Variants in TMEM38A observed in about 807,000 individuals in gnomAD.
TMEM38A encodes transmembrane protein 38A.
In TMEM38A, 17 loss-of-function variants were observed where a neutral mutation model predicts 28.6. The ratio of observed to expected loss-of-function variants is 0.60; its 90% CI spans 0.41 to 0.89. The LOEUF is 0.89. TMEM38A is among the 40% of genes least tolerant of loss of function. TMEM38A has a pLI of 0.00. For synonymous variants in TMEM38A, 169 were observed against 166.1 expected (o/e 1.02, Z -0.14); for missense variants, 328 against 393.1 (o/e 0.83, Z 1.40).
intron 5 of TMEM38A, among the ~76,000 whole-genome samples, chr19:16,687,902 G>A (rs2086808213): frequency 6.6e-6 from 1 of 152,152 alleles, no homozygotes; most frequent in Non-Finnish European, 1.5e-5. Flanking sequence ...GTGACCAGCA[G>A]TCTCAGTGTG....
chr19:16,688,028 C>A, intron 5 of TMEM38A, 116 bp from the exon 6 acceptor site: 1 of 747,336 alleles, frequency 1.3e-6, no homozygotes, highest in Non-Finnish European at 2.0e-6. Context: ...CTACCTCCAA[C>A]CTTGACTTTG....
At chr19:16,668,670 G>C (rs2086713886) in intron 1 of TMEM38A, among the ~76,000 whole-genome samples, 1 of 151,908 alleles carries the variant, frequency 6.6e-6, no homozygotes, top group Admixed American at 6.6e-5. Context: ...ACTACCTCCA[G>C]AGTTTTGCCT....
intron 1 of TMEM38A, among the ~76,000 whole-genome samples, chr19:16,664,481 T>A (rs1055134127): frequency 2.0e-5 from 3 of 151,992 alleles, no homozygotes; most frequent in Non-Finnish European, 4.4e-5. Flanking sequence ...TAGTCCCAGT[T>A]TGGTGTGCGT....
intron 2 of TMEM38A, 126 bp from the exon 3 acceptor site, chr19:16,680,271 C>A: frequency 6.8e-7 from 1 of 1,470,796 alleles, no homozygotes; most frequent in Non-Finnish European, 9.4e-7. Context: ...AATATGCTGC[C>A]CTCCATGCCC....
At position 16,689,461 on chromosome 19, in the gene TMEM38A, G is replaced by A. The variant is rs1319622983; in HGVS notation, c.*1090G>A. 1 of 152,180 alleles carries A rather than the reference G, an allele frequency of 6.6e-6. No individual in the cohort carries two copies. The highest frequency in any genetic ancestry group is 1.5e-5 in the Non-Finnish European group (1 of 68,058). The allele number at this position is 152,180 out of a possible 1,614,324, so 9.4% of individuals were successfully genotyped here. A position where few individuals can be genotyped will look rare whatever the true frequency, so the allele number is the denominator to read the frequency against. ...GGAAGCCCTCAGTAGACACGTCTAG[G>A]GCAGGCTTGAGAGATCAGATGGCGT... On this transcript the variant is annotated 3_prime_UTR_variant, in exon 6 of 6. Transcript: ENST00000187762.
chr19:16,680,288 G>A (rs2086775918), intron 2 of TMEM38A, 109 bp from the exon 3 acceptor site: 2 of 1,496,094 alleles, frequency 1.3e-6, no homozygotes, highest in Admixed American at 1.7e-5. Context: ...GCCCATCTCT[G>A]GTCTAGGCAC....
intron 3 of TMEM38A, 106 bp downstream of exon 3, chr19:16,680,687 C>A: frequency 8.8e-7 from 1 of 1,139,312 alleles, no homozygotes; most frequent in Non-Finnish European, 1.3e-6. Context: ...GGCACAGGGG[C>A]ATAAAGACTG....
chr19:16,661,396 C>A lies in TMEM38A; in HGVS notation c.124+55C>A. The A allele has an allele frequency of 6.9e-7, 1 of 1,446,538 alleles. No homozygotes were observed. 89.6% of individuals were successfully genotyped at this position (1,446,538 alleles called of 1,614,324 possible). A position where few individuals can be genotyped will look rare whatever the true frequency, so the allele number is the denominator to read the frequency against. On this transcript the variant is annotated intron_variant, in intron 1 of 5. Transcript: ENST00000187762. The surrounding 1 kb of genome is among the most constrained non-coding windows in gnomAD (Gnocchi z 6.5). The stretch of plus-strand genomic sequence containing the variant: ...CGGCAGCGGGTGGCGCGGGCCGGGG[C>A]AGCTCGGGGGTCGCAGAGAGGGGAA...
intron 1 of TMEM38A, among the ~76,000 whole-genome samples, chr19:16,662,433 A>AC (rs1402201100): frequency 8.9e-6 from 1 of 112,506 alleles, no homozygotes; most frequent in Non-Finnish European, 1.8e-5. Context: ...ACGTAAATGC[A>AC]CGCTTTTTTT....
At chr19:16,666,775 A>T (rs1275477972) in intron 1 of TMEM38A, among the ~76,000 whole-genome samples, 1 of 152,082 alleles carries the variant, frequency 6.6e-6, no homozygotes, top group African/African-American at 2.4e-5. Context: ...CAACATGGTG[A>T]AACCCCGTCT....
At chr19:16,663,592 C>T (rs771020984) in intron 1 of TMEM38A, among the ~76,000 whole-genome samples, 51 of 151,206 alleles carry the variant, frequency 3.4e-4, no homozygotes, top group Non-Finnish European at 6.2e-4. Flanking sequence ...GCGGTGGCGC[C>T]GCCTCTGCTC....
chr19:16,687,381 C>T (rs1225277635), intron 5 of TMEM38A, among the ~76,000 whole-genome samples: 1 of 151,992 alleles, frequency 6.6e-6, no homozygotes, highest in Non-Finnish European at 1.5e-5. Context: ...ATTAACCAGG[C>T]GTGGTGGCGC....
chr19:16,675,625 T>C (rs1351289219), intron 1 of TMEM38A, among the ~76,000 whole-genome samples: 2 of 150,348 alleles, frequency 1.3e-5, no homozygotes, highest in South Asian at 4.2e-4. Context: ...CTCAGCTCAC[T>C]GCAACCTCTG....
chr19:16,682,364 C>T (rs2086785259), intron 3 of TMEM38A, 57 bp from the exon 4 acceptor site: 1 of 1,434,798 alleles, frequency 7.0e-7, no homozygotes. Flanking sequence ...GGAATTCAAA[C>T]AAGAGGAAAG....
chr19:16,680,571 G>C lies in TMEM38A; in HGVS notation c.456G>C (p.Gly152=), dbSNP rs1159099533. ...HHGWFVMIAT[G]WVKGSGVALM... ...GGTGGTTCGTCATGATTGCAACTGG[G>C]TGGGTCAAAGGTAAATAGGATGATG... The change falls in exon 3 of 6, where the codon GGG becomes GGC. Residue 152 remains glycine, a synonymous_variant. Coordinates refer to ENST00000187762, the MANE Select transcript of TMEM38A (RefSeq NM_024074.4). 1 of 1,613,904 alleles carries C rather than the reference G, an allele frequency of 6.2e-7. No individual in the cohort carries two copies. The highest frequency in any genetic ancestry group is 1.7e-5 in the Admixed American group (1 of 60,010).
chr19:16,662,436 C>CTTTTTTTTTTTTTT (rs35226829), intron 1 of TMEM38A, among the ~76,000 whole-genome samples: 7 of 75,818 alleles, frequency 9.2e-5, no homozygotes, highest in African/African-American at 1.1e-4. Flanking sequence ...TAAATGCACG[C>CTTTTTTTTTTTTTT]TTTTTTTTTT....
Position 16,661,934 on chromosome 19 carries a change from C to A in TMEM38A, c.124+593C>A, listed in dbSNP as rs566440453. On this transcript the variant is annotated intron_variant, in intron 1 of 5. Transcript: ENST00000187762. The surrounding 1 kb of genome is among the most constrained non-coding windows in gnomAD (Gnocchi z 6.5). ...TTCCAGCCCTGGCTCCAGATCCTTTCCACTTACGGAGCAGAACCGGCCCCA... is the reference window on the plus strand; with the variant it reads ...TTCCAGCCCTGGCTCCAGATCCTTTACACTTACGGAGCAGAACCGGCCCCA... 1.2e-4 allele frequency among the ~76,000 whole-genome samples: 19 copies of A among 152,234 alleles called. No individual in the cohort carries two copies. Among genetic ancestry groups the A allele is most frequent in the African/African-American group, 4.6e-4 (19 of 41,548 alleles).
chr19:16,668,046 T>C (rs1231066350), intron 1 of TMEM38A, among the ~76,000 whole-genome samples: 2 of 151,666 alleles, frequency 1.3e-5, no homozygotes, highest in African/African-American at 4.8e-5. Flanking sequence ...CTGTCTCTAC[T>C]AAAAATACAA....
chr19:16,677,126 T>A (rs1159241851), intron 1 of TMEM38A, among the ~76,000 whole-genome samples: 1 of 150,832 alleles, frequency 6.6e-6, no homozygotes, highest in Non-Finnish European at 1.5e-5. Context: ...GCAATGGGGT[T>A]TTCAAGCCCC....
Sources: gnomAD v4.1 joint callset for allele counts (sites outside exome capture counted in the v4.1 genomes callset) on GRCh38, gnomAD v4.1.1 for gene constraint, Gnocchi (gnomAD v3.1) non-coding constraint, MANE v1.5 for transcripts, NCBI Gene and HGNC (gene_info 2026-07-23, HGNC 2026-07-21) for gene names.